Variants in DNER observed in about 807,000 individuals in gnomAD.
DNER encodes delta and Notch-like epidermal growth factor-related receptor.
Under a neutral mutation model 78.2 loss-of-function variants are expected in DNER, and 33 were observed. The observed-to-expected ratio is 0.42, with a 90% CI of 0.32 to 0.56. The LOEUF is 0.56. Among genes scored for constraint, DNER ranks in the 20% least tolerant of loss-of-function variants. DNER has a pLI of 0.11. For missense variants in DNER, 918 were observed against 975.3 expected, an observed-to-expected ratio of 0.94 and a Z score of 0.78; for synonymous variants, 417 against 384.8, an observed-to-expected ratio of 1.08 and a Z score of -0.98.
chr2:229,443,364 A>AC (rs1225086462), intron 8 of DNER, among the ~76,000 whole-genome samples: 1 of 152,094 alleles, frequency 6.6e-6, no homozygotes, highest in Non-Finnish European at 1.5e-5. Flanking sequence ...GGGAAATGGC[A>AC]CCCCCACCCC....
intron 8 of DNER, among the ~76,000 whole-genome samples, chr2:229,442,076 C>T (rs1295443930): frequency 6.6e-6 from 1 of 152,000 alleles, no homozygotes; most frequent in Non-Finnish European, 1.5e-5. Flanking sequence ...GTGAGGTGGG[C>T]ATCATATTTT....
intron 1 of DNER, among the ~76,000 whole-genome samples, chr2:229,652,334 C>G (rs1463207951): frequency 6.6e-6 from 1 of 152,178 alleles, no homozygotes; most frequent in African/African-American, 2.4e-5. Context: ...CCCCACCTGA[C>G]AGATTTATTC....
At chr2:229,395,380 A>G (rs1693113298) in intron 10 of DNER, among the ~76,000 whole-genome samples, 1 of 152,204 alleles carries the variant, frequency 6.6e-6, no homozygotes, top group Admixed American at 6.5e-5. Context: ...GGCTGATCAC[A>G]GAGTGGGCTG....
At chr2:229,410,835 A>G (rs1225189578) in intron 9 of DNER, among the ~76,000 whole-genome samples, 1 of 152,224 alleles carries the variant, frequency 6.6e-6, no homozygotes, top group Non-Finnish European at 1.5e-5. Flanking sequence ...ATGAAAATCA[A>G]TATTTTATCT....
chr2:229,423,376 A>T (rs1693806399), intron 8 of DNER, among the ~76,000 whole-genome samples: 1 of 152,150 alleles, frequency 6.6e-6, no homozygotes, highest in Admixed American at 6.5e-5. Flanking sequence ...GCACTTTGGG[A>T]GGCTGAGGCA....
intron 5 of DNER, among the ~76,000 whole-genome samples, chr2:229,519,963 G>A (rs183281794): frequency 2.0e-5 from 3 of 152,304 alleles, no homozygotes; most frequent in African/African-American, 7.2e-5. Context: ...TGTCAGGATA[G>A]AGTAAAAACT....
At chr2:229,463,364 A>G (rs1354884930) in intron 7 of DNER, among the ~76,000 whole-genome samples, 1 of 152,220 alleles carries the variant, frequency 6.6e-6, no homozygotes, top group African/African-American at 2.4e-5. Flanking sequence ...GGAATATGAA[A>G]GGAGAAATAT....
chr2:229,577,677 C>A (rs1287853814), intron 4 of DNER, among the ~76,000 whole-genome samples: 2 of 151,962 alleles, frequency 1.3e-5, no homozygotes, highest in Non-Finnish European at 2.9e-5. Flanking sequence ...ATATGCCCTG[C>A]CTGAGTTTTC....
At chr2:229,564,078 CTCACCCCATCACCATCATCATCAACATCA>C (rs1697041821) in intron 4 of DNER, among the ~76,000 whole-genome samples, 1 of 118,998 alleles carries the variant, frequency 8.4e-6, no homozygotes, top group African/African-American at 3.2e-5. Flanking sequence ...CATCATCATC[CTCACCCCATCACCATCATCATCAACATCA>C]TCACCCCATC....
At chr2:229,445,223 A>G (rs759560002) in intron 8 of DNER, among the ~76,000 whole-genome samples, 2 of 152,168 alleles carry the variant, frequency 1.3e-5, no homozygotes, top group Non-Finnish European at 2.9e-5. Flanking sequence ...CCAGCGCCAC[A>G]CTGCCTCCTC....
chr2:229,430,687 AATAT>A (rs58809747), intron 8 of DNER, among the ~76,000 whole-genome samples: 4 of 144,586 alleles, frequency 2.8e-5, no homozygotes. Flanking sequence ...ATACTTAGTA[AATAT>A]ATATATATAT....
At chr2:229,439,276 A>G (rs1694187873) in intron 8 of DNER, among the ~76,000 whole-genome samples, 1 of 152,210 alleles carries the variant, frequency 6.6e-6, no homozygotes, top group African/African-American at 2.4e-5. Flanking sequence ...CCTCATATAA[A>G]AAGAATAAAA....
chr2:229,489,921 G>A (rs1695361742), intron 6 of DNER, among the ~76,000 whole-genome samples: 1 of 152,088 alleles, frequency 6.6e-6, no homozygotes, highest in Admixed American at 6.6e-5. Flanking sequence ...ATGAGGGAGT[G>A]GGTAGAAAAT....
intron 1 of DNER, among the ~76,000 whole-genome samples, chr2:229,640,983 G>A (rs1361710686): frequency 1.3e-5 from 2 of 152,194 alleles, no homozygotes; most frequent in Admixed American, 1.3e-4. Flanking sequence ...CTAGCAAGCA[G>A]GAAGAGAAGG....
At chr2:229,596,069 A>G (rs1697708455) in intron 1 of DNER, among the ~76,000 whole-genome samples, 1 of 152,036 alleles carries the variant, frequency 6.6e-6, no homozygotes, top group Non-Finnish European at 1.5e-5. Context: ...CCCCACTAGA[A>G]TGTAGGCTTT....
At chr2:229,525,598 A>G (rs541867523) in intron 5 of DNER, among the ~76,000 whole-genome samples, 9 of 152,174 alleles carry the variant, frequency 5.9e-5, no homozygotes, top group African/African-American at 2.2e-4. Context: ...GATCTAATCA[A>G]TGCATTTCTT....
At chr2:229,622,246 T>TG (rs1202441577) in intron 1 of DNER, among the ~76,000 whole-genome samples, 1 of 152,210 alleles carries the variant, frequency 6.6e-6, no homozygotes, top group African/African-American at 2.4e-5. Context: ...TGGAAAATAG[T>TG]GATGGTTGTG....
Position 229,591,518 on chromosome 2 carries a change from C to T in DNER, c.585+62G>A. Reference sequence around the variant, plus strand: ...TTTTTAATTGCTGATACTAGAACCGCTGGAGTCACTTTAAGATTTCTGGTT... The same window carrying T: ...TTTTTAATTGCTGATACTAGAACCGTTGGAGTCACTTTAAGATTTCTGGTT... On this transcript the variant is annotated intron_variant, in intron 2 of 12. Transcript: ENST00000341772. This position sits in a 1 kb window ranked among gnomAD's most constrained non-coding sequence, Gnocchi z 4.6. 6.5e-7 allele frequency: 1 copy of T among 1,528,844 alleles called. No homozygotes were observed. Among genetic ancestry groups the T allele is most frequent in the South Asian group, 1.3e-5 (1 of 76,116 alleles). 94.7% of individuals were successfully genotyped at this position (1,528,844 alleles called of 1,614,324 possible). A position where few individuals can be genotyped will look rare whatever the true frequency, so the allele number is the denominator to read the frequency against.
In DNER at chr2:229,662,244, T is replaced by G. The variant is rs566038069; in HGVS notation, c.276+51904A>C. Among the ~76,000 whole-genome samples, 7 of 152,324 alleles carry G rather than the reference T, an allele frequency of 4.6e-5. No homozygotes were observed. In the South Asian group the frequency reaches 1.5e-3, roughly 32 times the overall value. On this transcript the variant is annotated intron_variant, in intron 1 of 12. Transcript: ENST00000341772. ...GCACAGCAAAGGCATCCAAGGCCAC[T>G]TCACCCATTGCAGATGCAGGCTATA...
Sources: allele counts gnomAD v4.1 joint callset (sites outside exome capture counted in the v4.1 genomes callset), GRCh38; gene constraint gnomAD v4.1.1; non-coding constraint Gnocchi (gnomAD v3.1); transcripts MANE v1.5; gene names NCBI Gene and HGNC (gene_info 2026-07-23, HGNC 2026-07-21).